Variants in ZNF337 observed in about 807,000 individuals in gnomAD.
The protein encoded by ZNF337 is zinc finger protein 337.
Under a neutral mutation model 12.1 loss-of-function variants are expected in ZNF337, and 8 were observed. The ratio of observed to expected loss-of-function variants is 0.66; its 90% CI spans 0.39 to 1.19. The LOEUF (loss-of-function observed/expected upper bound fraction) is 1.19. Among genes scored for constraint, ZNF337 ranks in the 50% most tolerant of loss-of-function variants. The pLI, the probability that ZNF337 is intolerant of heterozygous loss-of-function variation, is 0.01. For missense variants in ZNF337, 882 were observed against 896.6 expected (o/e 0.98, Z 0.21); for synonymous variants, 336 against 320.0 (o/e 1.05, Z -0.53).
intron 4 of ZNF337, among the ~76,000 whole-genome samples, chr20:25,683,429 A>C (rs560188356): frequency 6.6e-6 from 1 of 152,262 alleles, no homozygotes; most frequent in Non-Finnish European, 1.5e-5. Flanking sequence ...TTAAACGACA[A>C]GGAAAAAAAG....
intron 4 of ZNF337, among the ~76,000 whole-genome samples, chr20:25,679,438 T>C (rs2065743623): frequency 6.6e-6 from 1 of 152,140 alleles, no homozygotes; most frequent in South Asian, 2.1e-4. Flanking sequence ...TACAAGGGAC[T>C]AATATACAGA....
intron 1 of ZNF337, among the ~76,000 whole-genome samples, chr20:25,696,161 C>A (rs1883732009): frequency 1.3e-5 from 2 of 149,362 alleles, no homozygotes; most frequent in African/African-American, 4.9e-5. Context: ...ACACTCCTAT[C>A]CGCGGAAGAT....
chr20:25,681,645 G>A (rs1232933948), intron 4 of ZNF337, among the ~76,000 whole-genome samples: 3 of 152,110 alleles, frequency 2.0e-5, no homozygotes, highest in African/African-American at 7.2e-5. Context: ...GGACGTGGGG[G>A]CAGGAAATGA....
At position 25,674,931 on chromosome 20, in the gene ZNF337, G is replaced by A. The variant is rs1212653184; in HGVS notation, c.*101C>T. 1 of 1,101,888 alleles carries A rather than the reference G, an allele frequency of 9.1e-7. No individual in the cohort carries two copies. Among genetic ancestry groups the A allele is most frequent in the South Asian group, 1.5e-5 (1 of 65,246 alleles). 68.3% of individuals were successfully genotyped at this position (1,101,888 alleles called of 1,614,324 possible). ...AGCCCTCTGGATTCTGTCTGCCTCT[G>A]TTATATCTTCACGAACAAGTTATGC... is the stretch of plus-strand genomic sequence containing the variant. On this transcript the variant is annotated 3_prime_UTR_variant, in exon 5 of 5. Coordinates refer to ENST00000252979, the MANE Select transcript of ZNF337 (RefSeq NM_015655.4).
intron 4 of ZNF337, 109 bp downstream of exon 4, chr20:25,685,458 G>T: frequency 1.2e-6 from 1 of 851,064 alleles, no homozygotes; most frequent in Non-Finnish European, 1.9e-6. Flanking sequence ...GGTCTGAAGA[G>T]CAGCCAAGGA....
chr20:25,696,223 A>G (rs2065927009), intron 1 of ZNF337, among the ~76,000 whole-genome samples: 1 of 150,600 alleles, frequency 6.6e-6, no homozygotes, highest in African/African-American at 2.4e-5. Flanking sequence ...TCCCCAAAAC[A>G]CGCGGGCGAA....
chr20:25,684,393 AAAAG>A (rs1467772106), intron 4 of ZNF337, among the ~76,000 whole-genome samples: 1 of 152,130 alleles, frequency 6.6e-6, no homozygotes, highest in Non-Finnish European at 1.5e-5. Flanking sequence ...AAAAATTAAA[AAAAG>A]AGAAATGCAA....
rs573025106 is a variant in ZNF337, at chr20:25,675,599, C to T, written c.1689G>A (p.Gln563=). 9 of 1,614,012 alleles carry T rather than the reference C, an allele frequency of 5.6e-6. No homozygotes were observed. Among genetic ancestry groups the T allele is most frequent in the African/African-American group, 4.0e-5 (3 of 74,976 alleles). ...ATGGCCTTTCCCCCGAGTGTGTCCA[C>T]TGATGTCTAAGAAGATTTGCCTTCA... ...FSLKANLLRH[Q]WTHSGERPFN... Residue 563 remains glutamine, a synonymous_variant, in exon 5 of 5, where the codon CAG becomes CAA. Transcript: ENST00000252979.
At chr20:25,683,549 A>G (rs1208575715) in intron 4 of ZNF337, among the ~76,000 whole-genome samples, 1 of 152,142 alleles carries the variant, frequency 6.6e-6, no homozygotes, top group East Asian at 1.9e-4. Flanking sequence ...TGGGCAAAGG[A>G]TATGAACAGA....
rs1369836753 is a variant in ZNF337 at position 25,686,092 on chromosome 20, CCA to C, written c.56_57del (p.Val19GlyfsTer38). ...AGCCTCCATTCCTTCTGGGTGAAAT[CCA>C]CAGTGACATCCCCAAATGCCAAGAA... ...QAFLAFGDVT[V>X]DFTQKEWRLL... is the part of the protein sequence containing the mutation. On this transcript the variant is annotated frameshift_variant, in exon 3 of 5. Transcript: ENST00000252979. LOFTEE classifies it high-confidence loss of function. The C allele has an allele frequency of 1.9e-6, 3 of 1,614,032 alleles. No individual in the cohort carries two copies. In the African/African-American group the frequency reaches 4.0e-5, roughly 22 times the overall value.
intron 1 of ZNF337, among the ~76,000 whole-genome samples, chr20:25,692,456 G>T (rs1487800732): frequency 1.3e-5 from 2 of 152,142 alleles, no homozygotes; most frequent in Non-Finnish European, 2.9e-5. Context: ...AGAAAGCATG[G>T]GGTGGGGAGG....
intron 1 of ZNF337, among the ~76,000 whole-genome samples, chr20:25,695,516 T>G (rs1461601395): frequency 6.6e-6 from 1 of 152,212 alleles, no homozygotes; most frequent in Non-Finnish European, 1.5e-5. Flanking sequence ...TACCAGCTTT[T>G]TGGGAGGAAC....
rs150351850 is a variant in ZNF337, at chr20:25,675,300, T to C, written c.1988A>G (p.Gln663Arg). Residue 663 changes from glutamine to arginine, a missense_variant, in exon 5 of 5, where the codon CAA becomes CGA. Coordinates refer to ENST00000252979, the MANE Select transcript of ZNF337 (RefSeq NM_015655.4). The part of the protein sequence containing the change: ...EKPFVCNVCG[Q>R]GFSWKRSLTR... ...GAGACTTCTCTTCCAGCTGAAGCCT[T>C]GCCCACACACATTACACACGAAGGG... The C allele has an allele frequency of 1.0e-4, 166 of 1,613,860 alleles. No homozygotes were observed. The Middle Eastern group carries it at 1.2e-3, about 11-fold the overall frequency.
intron 1 of ZNF337, among the ~76,000 whole-genome samples, chr20:25,695,497 T>C (rs1435658404): frequency 6.6e-6 from 1 of 152,186 alleles, no homozygotes; most frequent in Non-Finnish European, 1.5e-5. Flanking sequence ...TGTAAACCCT[T>C]TGGAGATATA....
chr20:25,679,968 TAAAG>T (rs1249964946), intron 4 of ZNF337, among the ~76,000 whole-genome samples: 1 of 152,076 alleles, frequency 6.6e-6, no homozygotes, highest in Non-Finnish European at 1.5e-5. Context: ...TAGTCAACCA[TAAAG>T]AAGAATAAGA....
In ZNF337 at chr20:25,676,716, C is replaced by T. The variant is rs139565721; in HGVS notation, c.572G>A (p.Arg191Gln). 82 of 1,614,176 alleles carry T rather than the reference C, an allele frequency of 5.1e-5. No individual in the cohort carries two copies. The highest frequency in any genetic ancestry group is 4.2e-4 in the South Asian group (38 of 91,088). ...KCAERGQDFS[R>Q]KMMVIIHKKA... ...TTTGTGTATGATTACCATCATCTTC[C>T]GGCTGAAGTCTTGCCCACGCTCTGC... Residue 191 changes from arginine (R) to glutamine (Q), a missense_variant, in exon 5 of 5, where the codon CGG becomes CAG. Coordinates refer to ENST00000252979, the MANE Select transcript of ZNF337 (RefSeq NM_015655.4).
Position 25,673,811 on chromosome 20 carries a change from A to G in ZNF337, c.*1221T>C, listed in dbSNP as rs2065642712. The G allele has an allele frequency of 6.6e-6, 1 of 152,134 alleles. No individual in the cohort carries two copies. Among genetic ancestry groups the G allele is most frequent in the African/African-American group, 2.4e-5 (1 of 41,442 alleles). The allele number at this position is 152,134 out of a possible 1,614,324, so 9.4% of individuals were successfully genotyped here. A position where few individuals can be genotyped will look rare whatever the true frequency, so the allele number is the denominator to read the frequency against. On this transcript the variant is annotated 3_prime_UTR_variant, in exon 5 of 5. Transcript: ENST00000252979. The stretch of plus-strand genomic sequence containing the variant: ...TTCTCAAGGTCCTTCTGCAGGTGGT[A>G]ATGCAGATCGGCGATAATCAGTCTA...
In ZNF337 at chr20:25,691,662, G is replaced by T. The variant is rs2065883152; in HGVS notation, c.-50+5097C>A. ...AGCCCACAGTGGAGTTTCTCTCAGA[G>T]TGGACCAAAATGGGGGTGGGGAGGG... On this transcript the variant is annotated intron_variant, in intron 1 of 4. Coordinates refer to ENST00000252979, the MANE Select transcript of ZNF337 (RefSeq NM_015655.4). Among the ~76,000 whole-genome samples the T allele has an allele frequency of 2.6e-5, 4 of 152,208 alleles. No individual in the cohort carries two copies. In the South Asian group the frequency reaches 8.3e-4, roughly 32 times the overall value.
chr20:25,676,283 G>T lies in ZNF337; in HGVS notation c.1005C>A (p.Phe335Leu). 4 of 1,610,986 alleles carry T rather than the reference G, an allele frequency of 2.5e-6. No homozygotes were observed. Among genetic ancestry groups the T allele is most frequent in the Non-Finnish European group, 3.4e-6 (4 of 1,179,242 alleles). The change falls in exon 5 of 5, where the codon TTC (phenylalanine) becomes TTA (leucine). Residue 335 changes from phenylalanine to leucine, a missense_variant. Physicochemically the swap from Phe to Leu is conservative, Grantham distance 22. Coordinates refer to ENST00000252979, the MANE Select transcript of ZNF337 (RefSeq NM_015655.4). ...CTGAGTGTATTCTCTTGTGCACAAC[G>T]AAGTATGACTTATTAGTATAGCCTC... ...CGRGYTNKSYFVVHKRIHSGE... is the reference protein window; with the variant it reads ...CGRGYTNKSYLVVHKRIHSGE...
Sources: gnomAD v4.1 joint callset for allele counts (sites outside exome capture counted in the v4.1 genomes callset) on GRCh38, gnomAD v4.1.1 for gene constraint, MANE v1.5 for transcripts, NCBI Gene and HGNC (gene_info 2026-07-23, HGNC 2026-07-21) for gene names.